Variants in CADM2 observed in about 807,000 individuals in gnomAD.
CADM2 encodes the protein cell adhesion molecule 2.
Under a neutral mutation model 49.8 loss-of-function variants are expected in CADM2, and 12 were observed. That is an observed-to-expected ratio of 0.24 (90% confidence interval 0.15 to 0.39). The LOEUF (loss-of-function observed/expected upper bound fraction) is 0.39, where lower values mean the gene tolerates loss of function less well. Ranked by LOEUF, CADM2 falls within the 10% of genes least tolerant of loss-of-function variation. The pLI is 1.00. For synonymous variants in CADM2, 214 were observed against 175.4 expected (o/e 1.22, Z -1.74); for missense variants, 378 against 492.3 (o/e 0.77, Z 2.20).
chr3:84,968,448 C>T (rs535853148), intron 1 of CADM2, among the ~76,000 whole-genome samples: 1 of 152,118 alleles, frequency 6.6e-6, no homozygotes, highest in East Asian at 1.9e-4. Flanking sequence ...AGGGGTCTGG[C>T]TGTAAGTTCA....
chr3:85,399,594 C>A (rs1348982538), intron 1 of CADM2, among the ~76,000 whole-genome samples: 2 of 152,150 alleles, frequency 1.3e-5, no homozygotes, highest in African/African-American at 4.8e-5. Context: ...TGAATTGATT[C>A]TTCCTATCCA....
chr3:85,860,006 TC>T (rs1382120442), intron 3 of CADM2, among the ~76,000 whole-genome samples: 2 of 152,338 alleles, frequency 1.3e-5, no homozygotes, highest in African/African-American at 2.4e-5. Context: ...CATAACCTAT[TC>T]TTATTTTTGT....
chr3:85,059,904 A>C (rs2036239934), intron 1 of CADM2, among the ~76,000 whole-genome samples: 2 of 152,176 alleles, frequency 1.3e-5, no homozygotes, highest in South Asian at 4.1e-4. Flanking sequence ...TTATTCTATA[A>C]ACAGGGTAAA....
At chr3:85,751,313 GCAAA>G (rs1374597903) in intron 2 of CADM2, among the ~76,000 whole-genome samples, 7 of 152,184 alleles carry the variant, frequency 4.6e-5, no homozygotes, top group Admixed American at 4.6e-4. Flanking sequence ...TTTCTCAACG[GCAAA>G]CAGTTTTCAT....
At chr3:85,848,383 G>T (rs1317190252) in intron 3 of CADM2, among the ~76,000 whole-genome samples, 1 of 151,760 alleles carries the variant, frequency 6.6e-6, no homozygotes, top group Non-Finnish European at 1.5e-5. Flanking sequence ...ATATTTAGCT[G>T]GATGCATTTC....
intron 1 of CADM2, among the ~76,000 whole-genome samples, chr3:85,248,363 C>T (rs2042697310): frequency 6.6e-6 from 1 of 152,120 alleles, no homozygotes; most frequent in Non-Finnish European, 1.5e-5. Context: ...CAAACTCTGC[C>T]TCCTGGATTC....
intron 1 of CADM2, among the ~76,000 whole-genome samples, chr3:85,612,752 G>A (rs1324518467): frequency 1.3e-5 from 2 of 151,584 alleles, no homozygotes; most frequent in Non-Finnish European, 3.0e-5. Flanking sequence ...ATTTATTATA[G>A]CATAATAGAT....
At chr3:86,053,424 G>A (rs188090933) in intron 8 of CADM2, among the ~76,000 whole-genome samples, 13 of 152,134 alleles carry the variant, frequency 8.5e-5, no homozygotes, top group East Asian at 7.7e-4. Flanking sequence ...TGGGAGATGC[G>A]GAAGAAACCC....
intron 1 of CADM2, among the ~76,000 whole-genome samples, chr3:85,310,446 A>G (rs1168912433): frequency 1.3e-5 from 2 of 152,152 alleles, no homozygotes; most frequent in Non-Finnish European, 2.9e-5. Flanking sequence ...TAACCACAAT[A>G]CAAGCATTTG....
chr3:85,106,883 A>G (rs1383612852), intron 1 of CADM2, among the ~76,000 whole-genome samples: 1 of 152,168 alleles, frequency 6.6e-6, no homozygotes, highest in Non-Finnish European at 1.5e-5. Flanking sequence ...TATTGTCTAC[A>G]CAAATAGTGA....
intron 2 of CADM2, among the ~76,000 whole-genome samples, chr3:85,743,657 G>A (rs1437644410): frequency 2.0e-5 from 3 of 152,076 alleles, no homozygotes; most frequent in Non-Finnish European, 4.4e-5. Context: ...CTTGTATTGG[G>A]TAGAATATTC....
chr3:85,024,715 T>A, intron 1 of CADM2, among the ~76,000 whole-genome samples: 1 of 151,994 alleles, frequency 6.6e-6, no homozygotes, highest in Admixed American at 6.6e-5. Flanking sequence ...GAAAATACGT[T>A]AATTAATTTA....
intron 2 of CADM2, among the ~76,000 whole-genome samples, chr3:85,762,438 C>T (rs972840043): frequency 1.3e-5 from 2 of 151,994 alleles, no homozygotes; most frequent in African/African-American, 4.8e-5. Context: ...TCCACCTCCC[C>T]TTTCTCTGTT....
chr3:85,162,661 C>T (rs1180573460), intron 1 of CADM2, among the ~76,000 whole-genome samples: 1 of 152,026 alleles, frequency 6.6e-6, no homozygotes, highest in African/African-American at 2.4e-5. Context: ...CATCTATACA[C>T]TGTTATTAAC....
chr3:85,986,177 G>C (rs1728087064), intron 8 of CADM2, among the ~76,000 whole-genome samples: 1 of 151,732 alleles, frequency 6.6e-6, no homozygotes, highest in African/African-American at 2.4e-5. Context: ...TTTTTATTTG[G>C]TTTCATTACT....
intron 1 of CADM2, among the ~76,000 whole-genome samples, chr3:85,190,985 C>T (rs1482985761): frequency 6.6e-6 from 1 of 151,814 alleles, no homozygotes; most frequent in Non-Finnish European, 1.5e-5. Context: ...TGTATAGCAA[C>T]TTTTTTATTT....
intron 1 of CADM2, among the ~76,000 whole-genome samples, chr3:85,098,150 A>T (rs1372391921): frequency 6.6e-6 from 1 of 152,110 alleles, no homozygotes; most frequent in East Asian, 1.9e-4. Flanking sequence ...TCTGTAGTGC[A>T]TTCTGGCATA....
chr3:85,510,635 C>A (rs777572663), intron 1 of CADM2, among the ~76,000 whole-genome samples: 6 of 151,876 alleles, frequency 4.0e-5, no homozygotes, highest in Admixed American at 1.3e-4. Flanking sequence ...AACCAATATA[C>A]CTATGTATTC....
intron 3 of CADM2, among the ~76,000 whole-genome samples, chr3:85,846,754 T>C (rs1009805777): frequency 7.2e-5 from 11 of 151,992 alleles, no homozygotes; most frequent in African/African-American, 2.7e-4. Flanking sequence ...CCCAGGTAAT[T>C]GGGAGGCTGA....
Sources: allele counts gnomAD v4.1 joint callset (sites outside exome capture counted in the v4.1 genomes callset), GRCh38; gene constraint gnomAD v4.1.1; transcripts MANE v1.5; gene names NCBI Gene and HGNC (gene_info 2026-07-23, HGNC 2026-07-21).